The following SLCO2A1 variants were observed in gnomAD, a reference collection of about 807,000 sequenced individuals.
The protein encoded by SLCO2A1 is matrin F/G 1.
SLCO2A1 carries 60 observed loss-of-function variants against 71.7 expected under a neutral mutation model. The observed-to-expected ratio is 0.84, with a 90% CI of 0.68 to 1.04. SLCO2A1 has a LOEUF of 1.04. Ranked by LOEUF, SLCO2A1 falls within the 50% of genes least tolerant of loss-of-function variation. SLCO2A1 has a pLI of 0.00. For synonymous variants in SLCO2A1, 308 were observed against 326.7 expected (o/e 0.94, Z 0.62); for missense variants, 745 against 813.4 (o/e 0.92, Z 1.02).
chr3:134,029,356 G>A (rs1340853606), intron 1 of SLCO2A1, among the ~76,000 whole-genome samples: 1 of 152,208 alleles, frequency 6.6e-6, no homozygotes, highest in African/African-American at 2.4e-5. Flanking sequence ...TCCTCGAGAT[G>A]ATCTTTTTCA....
chr3:133,959,401 A>AAAAAG (rs1933976877), intron 3 of SLCO2A1, among the ~76,000 whole-genome samples: 1 of 152,020 alleles, frequency 6.6e-6, no homozygotes, highest in African/African-American at 2.4e-5. Flanking sequence ...TATTACCAAA[A>AAAAAG]AAAAAAAAAA....
intron 2 of SLCO2A1, 45 bp from the exon 3 acceptor site, chr3:133,973,870 C>G: frequency 1.9e-6 from 3 of 1,564,652 alleles, no homozygotes; most frequent in Non-Finnish European, 2.6e-6. Flanking sequence ...AGGCCCTGTC[C>G]TCACCCACCC....
chr3:133,996,760 G>A (rs894207180), intron 1 of SLCO2A1, among the ~76,000 whole-genome samples: 1 of 152,160 alleles, frequency 6.6e-6, no homozygotes, highest in Non-Finnish European at 1.5e-5. Context: ...TATACAGCAA[G>A]TCTTTGGCAG....
At position 133,993,321 on chromosome 3, in the gene SLCO2A1, C is replaced by G. The variant is rs566380453; in HGVS notation, c.97-13703G>C. On this transcript the variant is annotated intron_variant, in intron 1 of 13. Transcript: ENST00000310926. Reference sequence around the variant, plus strand: ...GCTTCCGTTGTTTTGTGTTGTGTTTCTTTTCTAATGGTGCCCTGTTCAAAG... The same window carrying G: ...GCTTCCGTTGTTTTGTGTTGTGTTTGTTTTCTAATGGTGCCCTGTTCAAAG... Among the ~76,000 whole-genome samples, 4 of 152,302 alleles carry G rather than the reference C, an allele frequency of 2.6e-5. No homozygotes were observed. In the East Asian group the frequency reaches 5.8e-4, roughly 22 times the overall value.
intron 1 of SLCO2A1, among the ~76,000 whole-genome samples, chr3:134,015,795 C>G (rs1457837891): frequency 3.3e-5 from 5 of 152,070 alleles, no homozygotes; most frequent in Non-Finnish European, 7.4e-5. Flanking sequence ...AAGACTTGCT[C>G]TAGCTTCAGT....
intron 1 of SLCO2A1, among the ~76,000 whole-genome samples, chr3:134,026,159 G>A (rs992400477): frequency 6.6e-6 from 1 of 151,964 alleles, no homozygotes; most frequent in African/African-American, 2.4e-5. Context: ...AGCTAGAGAA[G>A]GAAAAGAATT....
At chr3:134,012,089 G>A (rs932676945) in intron 1 of SLCO2A1, among the ~76,000 whole-genome samples, 4 of 152,164 alleles carry the variant, frequency 2.6e-5, no homozygotes, top group Admixed American at 6.5e-5. Context: ...AACCAGCAAT[G>A]AAACCTTTGT....
chr3:133,982,021 T>C (rs1025665568), intron 1 of SLCO2A1, among the ~76,000 whole-genome samples: 6 of 148,140 alleles, frequency 4.1e-5, no homozygotes, highest in Non-Finnish European at 8.9e-5. Flanking sequence ...AAAACAGTCA[T>C]AGAAATTCCC....
intron 10 of SLCO2A1, among the ~76,000 whole-genome samples, chr3:133,944,716 G>A (rs921825735): frequency 5.3e-5 from 8 of 152,234 alleles, no homozygotes; most frequent in Non-Finnish European, 1.0e-4. Flanking sequence ...GAAGCCTAAT[G>A]CCCTCGATTT....
At chr3:133,969,052 T>C (rs138877716) in intron 3 of SLCO2A1, among the ~76,000 whole-genome samples, 34 of 152,300 alleles carry the variant, frequency 2.2e-4, no homozygotes, top group African/African-American at 8.2e-4. Context: ...GCAGCTTTAC[T>C]CCAAGAGGAA....
chr3:134,025,707 G>A (rs1007506987), intron 1 of SLCO2A1, among the ~76,000 whole-genome samples: 3 of 152,092 alleles, frequency 2.0e-5, no homozygotes, highest in African/African-American at 7.2e-5. Context: ...AGGAAAAAAT[G>A]GCCCTTCCTG....
chr3:134,011,389 G>A (rs1935342182), intron 1 of SLCO2A1, among the ~76,000 whole-genome samples: 1 of 152,266 alleles, frequency 6.6e-6, no homozygotes, highest in African/African-American at 2.4e-5. Context: ...GGCCCATGAT[G>A]TGGGAGTCCT....
intron 1 of SLCO2A1, among the ~76,000 whole-genome samples, chr3:134,028,688 G>C (rs1308990134): frequency 1.3e-5 from 2 of 152,146 alleles, no homozygotes; most frequent in African/African-American, 4.8e-5. Context: ...CCATCTGACT[G>C]TATGTTTGTG....
At chr3:133,971,883 G>A (rs1329347462) in intron 3 of SLCO2A1, among the ~76,000 whole-genome samples, 1 of 152,150 alleles carries the variant, frequency 6.6e-6, no homozygotes, top group Admixed American at 6.5e-5. Flanking sequence ...CCTGGGTGCT[G>A]AGTAAATGTA....
chr3:133,996,302 AGCCACAGT>A (rs1332013108), intron 1 of SLCO2A1, among the ~76,000 whole-genome samples: 1 of 152,230 alleles, frequency 6.6e-6, no homozygotes, highest in African/African-American at 2.4e-5. Context: ...GCCTTTTCAA[AGCCACAGT>A]GGGGGTCTAA....
intron 1 of SLCO2A1, among the ~76,000 whole-genome samples, chr3:133,995,548 A>G (rs4854784): frequency 0.65 from 99,559 of 152,070 alleles, 33,023 homozygotes; most frequent in South Asian, 0.78. Flanking sequence ...CTACTTATCC[A>G]TCTTCCTGGT....
chr3:133,962,183 G>C (rs977752828), intron 3 of SLCO2A1, among the ~76,000 whole-genome samples: 1 of 152,114 alleles, frequency 6.6e-6, no homozygotes, highest in Non-Finnish European at 1.5e-5. Flanking sequence ...GGGTTTAAGC[G>C]ATTCTCCTGC....
intron 3 of SLCO2A1, among the ~76,000 whole-genome samples, chr3:133,971,990 C>T (rs991067455): frequency 1.1e-4 from 16 of 152,126 alleles, no homozygotes; most frequent in Non-Finnish European, 1.3e-4. Context: ...TGGTCAAACT[C>T]AAGGAGGTAA....
intron 1 of SLCO2A1, among the ~76,000 whole-genome samples, chr3:134,018,166 G>A (rs1935500482): frequency 6.9e-6 from 1 of 145,042 alleles, no homozygotes; most frequent in South Asian, 2.4e-4. Context: ...GGGGAAGCAG[G>A]CCTCTCAGGA....
Sources: allele counts gnomAD v4.1 joint callset (sites outside exome capture counted in the v4.1 genomes callset), GRCh38; gene constraint gnomAD v4.1.1; transcripts MANE v1.5; gene names NCBI Gene and HGNC (gene_info 2026-07-23, HGNC 2026-07-21).